The following WFDC1 variants were observed in gnomAD, a reference collection of about 807,000 sequenced individuals.
WFDC1 encodes WAP four-disulfide core domain protein 1.
A neutral mutation model predicts 32.9 loss-of-function variants in WFDC1; 39 were observed. The ratio of observed to expected loss-of-function variants is 1.19; its 90% CI spans 0.92 to 1.55. The LOEUF is 1.55. Among genes scored for constraint, WFDC1 ranks in the 40% most tolerant of loss-of-function variants. WFDC1 has a pLI of 0.00. For synonymous variants in WFDC1, 184 were observed against 137.4 expected, an observed-to-expected ratio of 1.34 and a Z score of -2.37; for missense variants, 386 against 309.5, an observed-to-expected ratio of 1.25 and a Z score of -1.85.
intron 1 of WFDC1, among the ~76,000 whole-genome samples, chr16:84,308,551 T>C (rs1448410829): frequency 6.6e-6 from 1 of 152,226 alleles, no homozygotes; most frequent in Non-Finnish European, 1.5e-5. Flanking sequence ...CAATTGAAGC[T>C]GATGGGAGGC....
intron 2 of WFDC1, among the ~76,000 whole-genome samples, chr16:84,313,390 A>C (rs1907764022): frequency 6.6e-6 from 1 of 152,174 alleles, no homozygotes; most frequent in Non-Finnish European, 1.5e-5. Flanking sequence ...ATGCCCTTCC[A>C]GAGAAAATGC....
intron 1 of WFDC1, among the ~76,000 whole-genome samples, chr16:84,300,206 G>A (rs1179762579): frequency 6.6e-6 from 1 of 152,242 alleles, no homozygotes; most frequent in Non-Finnish European, 1.5e-5. Flanking sequence ...GCAGGAGCCT[G>A]CTCAGCCCAC....
chr16:84,318,898 G>T, intron 3 of WFDC1: 2 of 177,284 alleles, frequency 1.1e-5, no homozygotes, highest in South Asian at 2.2e-4. Flanking sequence ...CCTTGTGCCT[G>T]TGGCTGAATA....
intron 4 of WFDC1, 42 bp downstream of exon 4, chr16:84,319,613 G>A (rs2151378493): frequency 6.2e-7 from 1 of 1,601,532 alleles, no homozygotes; most frequent in Non-Finnish European, 8.5e-7. Flanking sequence ...TCCTGCCCCA[G>A]TCCCCTTCTC....
At position 84,294,967 on chromosome 16, in the gene WFDC1, A is replaced by C; in HGVS notation, c.-5A>C. On this transcript the variant is annotated 5_prime_UTR_variant, in exon 1 of 7. Transcript: ENST00000219454. ...GCGTCTGGAAGGTCGCTGCCCAGGG[A>C]GGAAATGCCTTTAACCGGCGTGGGG... 6.2e-7 allele frequency: 1 copy of C among 1,610,914 alleles called. No homozygotes were observed. The highest frequency in any genetic ancestry group is 8.5e-7 in the Non-Finnish European group (1 of 1,178,386).
At chr16:84,299,317 A>G (rs879781252) in intron 1 of WFDC1, among the ~76,000 whole-genome samples, 7 of 152,162 alleles carry the variant, frequency 4.6e-5, no homozygotes, top group Non-Finnish European at 1.0e-4. Flanking sequence ...GTGAGCCGAG[A>G]TCGTGCCATT....
chr16:84,328,616 G>C (rs574587876), intron 6 of WFDC1: 1 of 152,388 alleles, frequency 6.6e-6, no homozygotes, highest in Admixed American at 6.5e-5. Flanking sequence ...ATGAGGACGA[G>C]ACCTTGGGAG....
At chr16:84,317,321 T>C (rs1567660599) in intron 2 of WFDC1, 1 of 133,824 alleles carries the variant, frequency 7.5e-6, no homozygotes, top group Non-Finnish European at 1.6e-5. Context: ...AATAAATAAA[T>C]AAATAAATAA....
chr16:84,317,332 ATAAATAAG>A (rs753368893), intron 2 of WFDC1: 2 of 104,800 alleles, frequency 1.9e-5, no homozygotes, highest in African/African-American at 7.2e-5. Context: ...AAATAAATAA[ATAAATAAG>A]AAGTAAATAA....
In WFDC1 at chr16:84,313,154, G is replaced by A; in HGVS notation, c.337+1G>A. On this transcript the variant is annotated splice_donor_variant, in intron 2 of 6. Coordinates refer to ENST00000219454, the MANE Select transcript of WFDC1 (RefSeq NM_021197.4). LOFTEE classifies it high-confidence loss of function. ...CTAGAAGCTGTGCCGCCCCCGCCAG[G>A]TAGGTCCTGGGCCCGAGGGAGGGGG... is the stretch of plus-strand genomic sequence containing the variant. 7.0e-7 allele frequency: 1 copy of A among 1,427,448 alleles called. No homozygotes were observed. Among genetic ancestry groups the A allele is most frequent in the Admixed American group, 3.3e-5 (1 of 29,948 alleles). The allele number at this position is 1,427,448 out of a possible 1,614,324, so 88.4% of individuals were successfully genotyped here.
rs1335184040 is a variant in WFDC1, at chr16:84,295,126, G to C, written c.144+11G>C. On this transcript the variant is annotated intron_variant, in intron 1 of 6. Transcript: ENST00000219454. ...GCCGAGAAATCCCGTGTAAGTGCCT[G>C]GGATGGGGAGGCTGGGGCAGCCTGT... is the stretch of plus-strand genomic sequence containing the variant. 1 of 1,613,092 alleles carries C rather than the reference G, an allele frequency of 6.2e-7. No homozygotes were observed. Among genetic ancestry groups the C allele is most frequent in the Non-Finnish European group, 8.5e-7 (1 of 1,179,518 alleles).
intron 1 of WFDC1, among the ~76,000 whole-genome samples, chr16:84,298,174 C>G (rs1250147142): frequency 6.6e-6 from 1 of 151,498 alleles, no homozygotes; most frequent in African/African-American, 2.4e-5. Context: ...GTGGTGTGAT[C>G]TTGGTTCACT....
chr16:84,308,343 C>T (rs1368483002), intron 1 of WFDC1, among the ~76,000 whole-genome samples: 2 of 152,170 alleles, frequency 1.3e-5, no homozygotes, highest in African/African-American at 2.4e-5. Context: ...ACACCGTGTG[C>T]AATTTGCAGC....
chr16:84,302,886 AATCAATTATGTTAAAACCTTCCGG>A (rs1907027238), intron 1 of WFDC1, among the ~76,000 whole-genome samples: 1 of 152,186 alleles, frequency 6.6e-6, no homozygotes, highest in Admixed American at 6.5e-5. Flanking sequence ...TGAATGAATG[AATCAATTATGTTAAAACCTTCCGG>A]AACAGAATAG....
chr16:84,299,667 C>T (rs1233523712), intron 1 of WFDC1, among the ~76,000 whole-genome samples: 3 of 152,220 alleles, frequency 2.0e-5, no homozygotes, highest in Admixed American at 2.0e-4. Context: ...AGCCACCATG[C>T]GGGCCTCGGT....
At position 84,326,822 on chromosome 16, in the gene WFDC1, G is replaced by A. The variant is rs984689984; in HGVS notation, c.605-60G>A. 25 of 1,566,414 alleles carry A rather than the reference G, an allele frequency of 1.6e-5. No homozygotes were observed. The African/African-American group carries it at 2.9e-4, about 18-fold the overall frequency. On this transcript the variant is annotated intron_variant, in intron 5 of 6. Transcript: ENST00000219454. ...CATTTGGCAGTTCCTGGTGAGCCAC[G>A]GGGGGCATTAGAGCAGGAATAGATA...
chr16:84,326,794 C>A, intron 5 of WFDC1, 88 bp from the exon 6 acceptor site: 1 of 1,526,008 alleles, frequency 6.6e-7, no homozygotes, highest in Non-Finnish European at 9.1e-7. Context: ...GGTCACCAGG[C>A]TTCATTTGGC....
intron 1 of WFDC1, 157 bp downstream of exon 1, chr16:84,295,272 G>A: frequency 1.1e-6 from 1 of 904,222 alleles, no homozygotes. Context: ...GTTGTGTGGT[G>A]GGCAGATGGG....
chr16:84,318,013 G>A (rs1219586194), intron 2 of WFDC1: 2 of 400,524 alleles, frequency 5.0e-6, no homozygotes, highest in African/African-American at 4.0e-5. Context: ...ACAGGAAGTT[G>A]CATGGTCACT....
Sources: allele counts gnomAD v4.1 joint callset (sites outside exome capture counted in the v4.1 genomes callset), GRCh38; gene constraint gnomAD v4.1.1; transcripts MANE v1.5; gene names NCBI Gene and HGNC (gene_info 2026-07-23, HGNC 2026-07-21).